Variants in ATP6V0B observed in about 807,000 individuals in gnomAD.
ATP6V0B encodes ATPase H+ transporting V0 subunit b.
ATP6V0B carries 4 observed loss-of-function variants against 26.2 expected under a neutral mutation model. That is an observed-to-expected ratio of 0.15 (90% CI 0.08 to 0.35). The LOEUF is 0.35. ATP6V0B is among the 10% of genes least tolerant of loss of function. The pLI, the probability that ATP6V0B is intolerant of heterozygous loss-of-function variation, is 1.00. For synonymous variants in ATP6V0B, 110 were observed against 105.8 expected (o/e 1.04, Z -0.24); for missense variants, 175 against 272.5 (o/e 0.64, Z 2.52).
chr1:43,976,004 G>A lies in ATP6V0B; in HGVS notation c.117-86G>A. 1 of 1,530,468 alleles carries A rather than the reference G, an allele frequency of 6.5e-7. No individual in the cohort carries two copies. Among genetic ancestry groups the A allele is most frequent in the East Asian group, 2.3e-5 (1 of 44,436 alleles). 94.8% of individuals were successfully genotyped at this position (1,530,468 alleles called of 1,614,324 possible). A position where few individuals can be genotyped will look rare whatever the true frequency, so the allele number is the denominator to read the frequency against. On this transcript the variant is annotated intron_variant, in intron 2 of 7. Transcript: ENST00000472174. This position sits in a 1 kb window ranked among gnomAD's most constrained non-coding sequence, Gnocchi z 4.6. ...GTTGTTGCCTGTAGAACTGGTGGTG[G>A]GGTTGAAGGGGGTTTGAGGGGTTAA...
At chr1:43,975,494 G>A in intron 1 of ATP6V0B, 2 of 552,740 alleles carry the variant, frequency 3.6e-6, no homozygotes, top group Non-Finnish European at 6.4e-6. Flanking sequence ...GGTAAACAGC[G>A]GAACGGACTG....
intron 1 of ATP6V0B, chr1:43,975,450 A>G: frequency 1.8e-6 from 1 of 543,254 alleles, no homozygotes; most frequent in Non-Finnish European, 3.2e-6. Context: ...CTCTTTTCCC[A>G]GTCGCTTTGC....
intron 1 of ATP6V0B, chr1:43,975,320 A>G: frequency 1.6e-6 from 1 of 628,596 alleles, no homozygotes; most frequent in Non-Finnish European, 2.8e-6. Context: ...AGGGGCCGCG[A>G]GGGCAGCACT....
chr1:43,978,210 T>A lies in ATP6V0B; in HGVS notation c.*203T>A. ...GAGCAGGCTGCTGCTGCTGACTCTG[T>A]GCAGCTGCGCACCTGTGTCCCCCAC... On this transcript the variant is annotated 3_prime_UTR_variant, in exon 8 of 8. Coordinates refer to ENST00000472174, the MANE Select transcript of ATP6V0B (RefSeq NM_004047.5). 1.5e-6 allele frequency: 1 copy of A among 678,040 alleles called. No individual in the cohort carries two copies. The highest frequency in any genetic ancestry group is 2.6e-6 in the Non-Finnish European group (1 of 391,142). The allele number at this position is 678,040 out of a possible 1,614,324, so 42.0% of individuals were successfully genotyped here. A position where few individuals can be genotyped will look rare whatever the true frequency, so the allele number is the denominator to read the frequency against.
chr1:43,976,736 T>G lies in ATP6V0B; in HGVS notation c.349-37T>G. On this transcript the variant is annotated intron_variant, in intron 5 of 7. Coordinates refer to ENST00000472174, the MANE Select transcript of ATP6V0B (RefSeq NM_004047.5). This position sits in a 1 kb window ranked among gnomAD's most constrained non-coding sequence, Gnocchi z 4.6. ...TTCCTTAGAGATTGGATGGGGTGCA[T>G]CAGGATGGTTTCTGATTACTTTTCT... The G allele has an allele frequency of 6.2e-7, 1 of 1,614,056 alleles. No individual in the cohort carries two copies. The highest frequency in any genetic ancestry group is 8.5e-7 in the Non-Finnish European group (1 of 1,179,948).
rs1475875617 is a variant in ATP6V0B, at chr1:43,978,117, C to T, written c.*110C>T. 6.9e-7 allele frequency: 1 copy of T among 1,457,776 alleles called. No individual in the cohort carries two copies. The highest frequency in any genetic ancestry group is 9.6e-7 in the Non-Finnish European group (1 of 1,041,566). 90.3% of individuals were successfully genotyped at this position (1,457,776 alleles called of 1,614,324 possible). On this transcript the variant is annotated 3_prime_UTR_variant, in exon 8 of 8. Coordinates refer to ENST00000472174, the MANE Select transcript of ATP6V0B (RefSeq NM_004047.5). ...CAGAGGCTTGGTGTTCAGGGCCCTC[C>T]CTGCACTCCCCTCTTGCTGCGTGTT...
rs774140781 is a variant in ATP6V0B, at chr1:43,976,725, G to A, written c.349-48G>A. ...TGTTCTACACATTCCTTAGAGATTG[G>A]ATGGGGTGCATCAGGATGGTTTCTG... On this transcript the variant is annotated intron_variant, in intron 5 of 7. Transcript: ENST00000472174. This position sits in a 1 kb window ranked among gnomAD's most constrained non-coding sequence, Gnocchi z 4.6. The A allele has an allele frequency of 3.7e-6, 6 of 1,613,758 alleles. No individual in the cohort carries two copies. The highest frequency in any genetic ancestry group is 1.7e-5 in the Admixed American group (1 of 60,014).
In ATP6V0B at chr1:43,976,822, C is replaced by G. The variant is rs2085525461; in HGVS notation, c.398C>G (p.Ala133Gly). 2 of 1,614,108 alleles carry G rather than the reference C, an allele frequency of 1.2e-6. No individual in the cohort carries two copies. The highest frequency in any genetic ancestry group is 1.7e-6 in the Non-Finnish European group (2 of 1,180,044). ...PKAIGHRNYH[A>G]GYSMFGAGLT... ...GCCATCGGCCATCGGAACTACCATG[C>G]AGGTGGGTGGATGGGCGTATGAATG... is the stretch of plus-strand genomic sequence containing the variant. The change falls in exon 6 of 8, where the codon GCA (alanine) becomes GGA (glycine). Residue 133 changes from alanine (A) to glycine (G), a missense_variant and splice_region_variant. Ala to Gly is a moderately conservative substitution (Grantham distance 60). Coordinates refer to ENST00000472174, the MANE Select transcript of ATP6V0B (RefSeq NM_004047.5). The surrounding 1 kb of genome is among the most constrained non-coding windows in gnomAD (Gnocchi z 4.6).
In ATP6V0B at chr1:43,976,925, AC is replaced by A. The variant is rs949017181; in HGVS notation, c.401-100del. 1.9e-6 allele frequency: 3 copies of A among 1,600,828 alleles called. No homozygotes were observed. The African/African-American group carries it at 4.0e-5, about 21-fold the overall frequency. On this transcript the variant is annotated intron_variant, in intron 6 of 7. Coordinates refer to ENST00000472174, the MANE Select transcript of ATP6V0B (RefSeq NM_004047.5). The surrounding 1 kb of genome is among the most constrained non-coding windows in gnomAD (Gnocchi z 4.6). ...CCATCATTTTGATATTCTCTCACCT[AC>A]TTTTTCTGCTTTGCAGAGTGGGGAT... is the stretch of plus-strand genomic sequence containing the variant.
rs1471489270 is a variant in ATP6V0B, at chr1:43,975,061, C to T, written c.21C>T (p.Leu7=). The change falls in exon 1 of 8, where the codon CTC becomes CTT. Residue 7 remains leucine (L), a synonymous_variant. Transcript: ENST00000472174. MTGLAL[L]YSGVFVAFWA... Reference sequence around the variant, plus strand: ...CCGCCATGACGGGGCTAGCACTGCTCTACTCCGGGGTCTTCGTGGCCTTCT... The same window carrying T: ...CCGCCATGACGGGGCTAGCACTGCTTTACTCCGGGGTCTTCGTGGCCTTCT... The T allele has an allele frequency of 1.4e-6, 2 of 1,389,210 alleles. No individual in the cohort carries two copies. Among genetic ancestry groups the T allele is most frequent in the African/African-American group, 3.1e-5 (2 of 65,322 alleles). The allele number at this position is 1,389,210 out of a possible 1,614,324, so 86.1% of individuals were successfully genotyped here.
chr1:43,978,265 T>C lies in ATP6V0B; in HGVS notation c.*258T>C, dbSNP rs2085548490. On this transcript the variant is annotated 3_prime_UTR_variant, in exon 8 of 8. Coordinates refer to ENST00000472174, the MANE Select transcript of ATP6V0B (RefSeq NM_004047.5). The stretch of plus-strand genomic sequence containing the variant: ...ACCCTCAACCCATCTTCCTAGTGTT[T>C]GTGAAATAAACTTGGTATTTGTCTG... 1.7e-6 allele frequency: 1 copy of C among 581,874 alleles called. No homozygotes were observed. Among genetic ancestry groups the C allele is most frequent in the Non-Finnish European group, 3.1e-6 (1 of 325,700 alleles). The allele number at this position is 581,874 out of a possible 1,614,324, so 36.0% of individuals were successfully genotyped here.
At chr1:43,977,263 G>C in intron 7 of ATP6V0B, 47 bp downstream of exon 7, 1 of 1,614,114 alleles carries the variant, frequency 6.2e-7, no homozygotes, top group Non-Finnish European at 8.5e-7. Flanking sequence ...CCCCAACCTA[G>C]CCTTACCCTC....
At position 43,976,145 on chromosome 1, in the gene ATP6V0B, A is replaced by ATC; in HGVS notation, c.175_176dup (p.Leu60ProfsTer23). The ATC allele has an allele frequency of 1.2e-6, 2 of 1,613,804 alleles. No individual in the cohort carries two copies. Among genetic ancestry groups the ATC allele is most frequent in the Non-Finnish European group, 1.7e-6 (2 of 1,179,948 alleles). On this transcript the variant is annotated frameshift_variant, in exon 3 of 8. Transcript: ENST00000472174. LOFTEE classifies it high-confidence loss of function. The surrounding 1 kb of genome is among the most constrained non-coding windows in gnomAD (Gnocchi z 4.6). ...GTCCAACCTGGGCATTGGCCTAGCT[A>ATC]TCTCCCTGTCTGTGGTTGGGGCAGC...
intron 1 of ATP6V0B, 27 bp from the exon 2 acceptor site, chr1:43,975,773 C>A: frequency 1.9e-6 from 3 of 1,583,900 alleles, no homozygotes; most frequent in Non-Finnish European, 2.6e-6. Context: ...CAGCCCGTAA[C>A]CCCCTTTTTC....
Position 43,975,242 on chromosome 1 carries a change from G to T in ATP6V0B, c.67+135G>T, listed in dbSNP as rs867206715. 7.1e-6 allele frequency: 8 copies of T among 1,131,100 alleles called. No individual in the cohort carries two copies. In the African/African-American group the frequency reaches 1.3e-4, roughly 18 times the overall value. 70.1% of individuals were successfully genotyped at this position (1,131,100 alleles called of 1,614,324 possible). The stretch of plus-strand genomic sequence containing the variant: ...CCCGAGGCTCTGGGGACTTGCGCCT[G>T]CGAGGGCCTCTGACTCCGACAAAGG... On this transcript the variant is annotated intron_variant, in intron 1 of 7. Coordinates refer to ENST00000472174, the MANE Select transcript of ATP6V0B (RefSeq NM_004047.5).
Position 43,975,005 on chromosome 1 carries a change from G to T in ATP6V0B, c.-36G>T, listed in dbSNP as rs886311215. Reference sequence around the variant, plus strand: ...GACGCTGGGACGCGTTTGTAGCTCCGGCCCCGCCGTTCCGACCCCCGCCGC... The same window carrying T: ...GACGCTGGGACGCGTTTGTAGCTCCTGCCCCGCCGTTCCGACCCCCGCCGC... On this transcript the variant is annotated 5_prime_UTR_variant, in exon 1 of 8. Coordinates refer to ENST00000472174, the MANE Select transcript of ATP6V0B (RefSeq NM_004047.5). 4 of 1,259,276 alleles carry T rather than the reference G, an allele frequency of 3.2e-6. No homozygotes were observed. Among genetic ancestry groups the T allele is most frequent in the Non-Finnish European group, 4.0e-6 (4 of 998,438 alleles). The allele number at this position is 1,259,276 out of a possible 1,614,324, so 78.0% of individuals were successfully genotyped here. A position where few individuals can be genotyped will look rare whatever the true frequency, so the allele number is the denominator to read the frequency against.
intron 1 of ATP6V0B, 153 bp downstream of exon 1, chr1:43,975,260 G>C: frequency 1.0e-6 from 1 of 975,270 alleles, no homozygotes; most frequent in Non-Finnish European, 1.5e-6. Context: ...CTCTGACTCC[G>C]ACAAAGGAGA....
chr1:43,975,941 C>A, intron 2 of ATP6V0B, 93 bp downstream of exon 2: 1 of 1,511,610 alleles, frequency 6.6e-7, no homozygotes, highest in Non-Finnish European at 9.1e-7. Flanking sequence ...CACACCACTG[C>A]CTGCCTGGGA....
intron 1 of ATP6V0B, chr1:43,975,584 G>T (rs1457225391): frequency 1.6e-6 from 1 of 622,560 alleles, no homozygotes; most frequent in Non-Finnish European, 2.8e-6. Context: ...CCCTGCCTGC[G>T]CAGGTGCTTG....
Sources: gnomAD v4.1 joint callset for allele counts on GRCh38, gnomAD v4.1.1 for gene constraint, Gnocchi (gnomAD v3.1) non-coding constraint, MANE v1.5 for transcripts, NCBI Gene and HGNC (gene_info 2026-07-23, HGNC 2026-07-21) for gene names.